Variants in AGRN observed in about 807,000 individuals in gnomAD.
The protein encoded by AGRN is agrin proteoglycan.
Under a neutral mutation model 211.0 loss-of-function variants are expected in AGRN, and 106 were observed. That is an observed-to-expected ratio of 0.50 (90% CI 0.43 to 0.59). The LOEUF (loss-of-function observed/expected upper bound fraction) is 0.59. Ranked by LOEUF, AGRN falls within the 20% of genes least tolerant of loss-of-function variation. The pLI is 0.00. For missense variants in AGRN, 3,040 were observed against 2,982.6 expected, an observed-to-expected ratio of 1.02 and a Z score of -0.45; for synonymous variants, 1,525 against 1,332.5, an observed-to-expected ratio of 1.14 and a Z score of -3.15.
In AGRN at chr1:1,046,909, T is replaced by A. The variant is rs1557711679; in HGVS notation, c.3340T>A (p.Ser1114Thr). The change falls in exon 19 of 36, where the codon TCT (serine) becomes ACT (threonine). Residue 1114 changes from serine to threonine, a missense_variant. By Grantham distance (58) the Ser-to-Thr change is moderately conservative. Coordinates refer to ENST00000379370, the MANE Select transcript of AGRN (RefSeq NM_198576.4). ...SCYNSALGCC[S>T]DGKTPSLDAE... is the part of the protein sequence containing the mutation. ...CTACAACTCCGCGTTGGGCTGCTGC[T>A]CTGATGGGAAGACGCCCTCGCTGGA... 1 of 1,582,666 alleles carries A rather than the reference T, an allele frequency of 6.3e-7. No individual in the cohort carries two copies. Among genetic ancestry groups the A allele is most frequent in the Non-Finnish European group, 8.6e-7 (1 of 1,165,404 alleles).
Position 1,050,513 on chromosome 1 carries a change from G to A in AGRN, c.5063G>A (p.Gly1688Glu), listed in dbSNP as rs1344179438. Residue 1688 changes from glycine (G) to glutamate (E), a missense_variant, in exon 29 of 36, where the codon GGG becomes GAG. Gly to Glu is a moderately conservative substitution (Grantham distance 98, BLOSUM62 -2). Around this residue, in one of 3 missense-constraint regions of AGRN, gnomAD observed 1,537 missense variants for 1,505.0 expected, o/e 1.02. Transcript: ENST00000379370. ...LYNGQKTDGK[G>E]DFVSLALRDR... ...AACGGGCAGAAGACGGACGGCAAGG[G>A]GGACTTCGTGTCGCTGGCACTGCGG... 5.6e-6 allele frequency: 9 copies of A among 1,612,798 alleles called. No individual in the cohort carries two copies. Among genetic ancestry groups the A allele is most frequent in the African/African-American group, 1.3e-5 (1 of 74,904 alleles).
chr1:1,053,640 G>A, intron 33 of AGRN, 113 bp from the exon 34 acceptor site: 2 of 1,490,594 alleles, frequency 1.3e-6, no homozygotes, highest in South Asian at 2.4e-5. Flanking sequence ...GCCACCCCTG[G>A]GTCCCGTCAC....
chr1:1,047,670 A>T lies in AGRN; in HGVS notation c.3614A>T (p.Asp1205Val). 1 of 1,613,024 alleles carries T rather than the reference A, an allele frequency of 6.2e-7. No individual in the cohort carries two copies. The highest frequency in any genetic ancestry group is 1.1e-5 in the South Asian group (1 of 91,086). The change falls in exon 21 of 36, where the codon GAT (aspartate) becomes GTT (valine). Residue 1205 changes from aspartate to valine, a missense_variant. Asp to Val is a radical substitution (Grantham distance 152, BLOSUM62 -3). Transcript: ENST00000379370. ...GPGKSVRAIV[D>V]VHFDPTTAFR... is the part of the protein sequence containing the mutation. ...GGCAAATCCGTCCGCGCCATTGTGGATGTGCACTTTGACCCCAGTGAGACC... is the reference window on the plus strand; with the variant it reads ...GGCAAATCCGTCCGCGCCATTGTGGTTGTGCACTTTGACCCCAGTGAGACC...
At position 1,048,983 on chromosome 1, in the gene AGRN, C is replaced by T; in HGVS notation, c.4222C>T (p.Leu1408=). 4.4e-6 allele frequency: 7 copies of T among 1,578,972 alleles called. No individual in the cohort carries two copies. The highest frequency in any genetic ancestry group is 6.0e-6 in the Non-Finnish European group (7 of 1,164,394). ...ATTCCGGGCGCTGGAGCCTCAGGGGCTGCTGCTGTACAATGGCAACGCCCG... is the reference window on the plus strand; with the variant it reads ...ATTCCGGGCGCTGGAGCCTCAGGGGTTGCTGCTGTACAATGGCAACGCCCG... ...LEFRALEPQG[L]LLYNGNARGK... is the part of the protein sequence containing the mutation. The change falls in exon 24 of 36, where the codon CTG becomes TTG. Residue 1408 remains leucine (L), a synonymous_variant. Coordinates refer to ENST00000379370, the MANE Select transcript of AGRN (RefSeq NM_198576.4). This position sits in a 1 kb window ranked among gnomAD's most constrained non-coding sequence, Gnocchi z 5.9.
In AGRN at chr1:1,040,684, C is replaced by T; in HGVS notation, c.531C>T (p.Cys177=). The T allele has an allele frequency of 6.5e-7, 1 of 1,547,400 alleles. No homozygotes were observed. The highest frequency in any genetic ancestry group is 8.7e-7 in the Non-Finnish European group (1 of 1,146,476). Residue 177 remains cysteine (C), a synonymous_variant, in exon 4 of 36, where the codon TGC becomes TGT. Coordinates refer to ENST00000379370, the MANE Select transcript of AGRN (RefSeq NM_198576.4). ...TPPDACRGML[C]GFGAVCEPNA... Reference sequence around the variant, plus strand: ...CCCCAGCGTGCCGGGGAATGCTGTGCGGCTTCGGCGCCGTGTGCGAGCCCA... The same window carrying T: ...CCCCAGCGTGCCGGGGAATGCTGTGTGGCTTCGGCGCCGTGTGCGAGCCCA...
chr1:1,053,594 C>T, intron 33 of AGRN, 159 bp from the exon 34 acceptor site: 6 of 1,501,718 alleles, frequency 4.0e-6, no homozygotes, highest in Non-Finnish European at 5.4e-6. Context: ...TGTCTCCATC[C>T]CTCTTCTCCC....
intron 3 of AGRN, among the ~76,000 whole-genome samples, chr1:1,036,904 G>A (rs530023855): frequency 4.3e-4 from 65 of 152,178 alleles, no homozygotes; most frequent in Non-Finnish European, 7.9e-4. Flanking sequence ...GGGCAGCACA[G>A]CACCATGGGT....
chr1:1,022,185 G>T lies in AGRN; in HGVS notation c.202-16G>T, dbSNP rs776504646. On this transcript the variant is annotated splice_polypyrimidine_tract_variant and intron_variant, in intron 1 of 35. Coordinates refer to ENST00000379370, the MANE Select transcript of AGRN (RefSeq NM_198576.4). ...CAGGAGAGGACTAATGACACCTACC[G>T]CCATGTCCACCCCAGGTTCGGGTCT... The T allele has an allele frequency of 1.7e-5, 28 of 1,612,850 alleles. No individual in the cohort carries two copies. Among genetic ancestry groups the T allele is most frequent in the Non-Finnish European group, 2.2e-5 (26 of 1,179,966 alleles).
chr1:1,052,877 G>C (rs1206631283), intron 33 of AGRN: 1 of 158,522 alleles, frequency 6.3e-6, no homozygotes, highest in Non-Finnish European at 1.4e-5. Context: ...ATATGTGGGG[G>C]AGACAGGTGT....
In AGRN at chr1:1,037,871, C is replaced by A. The variant is rs535527824; in HGVS notation, c.511+2547C>A. Among the ~76,000 whole-genome samples the A allele has an allele frequency of 1.4e-4, 21 of 152,184 alleles. 1 individual carries two copies. In the East Asian group the frequency reaches 2.5e-3, roughly 18 times the overall value. ...GGCTGCTGCAATGCGCTGTGCCTGG[C>A]GGGTACGTGCGTGTGTGCCATCACC... On this transcript the variant is annotated intron_variant, in intron 3 of 35. Coordinates refer to ENST00000379370, the MANE Select transcript of AGRN (RefSeq NM_198576.4).
intron 2 of AGRN, among the ~76,000 whole-genome samples, chr1:1,029,345 A>C (rs1485275886): frequency 7.1e-6 from 1 of 141,358 alleles, no homozygotes; most frequent in Non-Finnish European, 1.5e-5. Context: ...TGTTGCACAA[A>C]GATATGGGGG....
At chr1:1,040,525 T>C (rs1234446945) in intron 3 of AGRN, 140 bp from the exon 4 acceptor site, 1 of 1,009,168 alleles carries the variant, frequency 9.9e-7, no homozygotes, top group Non-Finnish European at 1.5e-6. Context: ...CACGCACGCG[T>C]GTCCGTGTCC....
rs544870363 is a variant in AGRN at position 1,050,854 on chromosome 1, G to T, written c.5253+17G>T. On this transcript the variant is annotated intron_variant, in intron 30 of 35. Coordinates refer to ENST00000379370, the MANE Select transcript of AGRN (RefSeq NM_198576.4). The stretch of plus-strand genomic sequence containing the variant: ...GAGTCCCCGGTGAGTGCTCTGGGCC[G>T]CGAGGGGACTCCCGCTGCTGCCTGC... 37 of 1,541,060 alleles carry T rather than the reference G, an allele frequency of 2.4e-5. No individual in the cohort carries two copies. Among genetic ancestry groups the T allele is most frequent in the Non-Finnish European group, 2.8e-5 (32 of 1,144,732 alleles).
intron 7 of AGRN, among the ~76,000 whole-genome samples, 168 bp from the exon 8 acceptor site, chr1:1,043,069 CGT>C (rs1175776774): frequency 1.3e-5 from 2 of 152,130 alleles, no homozygotes; most frequent in Non-Finnish European, 2.9e-5. Context: ...GCCTCTGCCG[CGT>C]GTCTGTCCCT....
chr1:1,054,736 G>A (rs552765547), intron 35 of AGRN, 88 bp from the exon 36 acceptor site: 73 of 1,516,078 alleles, frequency 4.8e-5, no homozygotes, highest in Non-Finnish European at 6.3e-5. Context: ...GTGCCCAGGT[G>A]TGGGCCCCCT....
Position 1,047,775 on chromosome 1 carries a change from G to T in AGRN, c.3632-1G>T. 1 of 1,608,610 alleles carries T rather than the reference G, an allele frequency of 6.2e-7. No homozygotes were observed. Among genetic ancestry groups the T allele is most frequent in the Non-Finnish European group, 8.5e-7 (1 of 1,178,106 alleles). On this transcript the variant is annotated splice_acceptor_variant, in intron 21 of 35. Coordinates refer to ENST00000379370, the MANE Select transcript of AGRN (RefSeq NM_198576.4). LOFTEE classifies it high-confidence loss of function. Reference sequence around the variant, plus strand: ...CATGCTCAGAGCTCCCTCCTCCCCAGCCACAGCCTTCAGGGCACCCGACGT... The same window carrying T: ...CATGCTCAGAGCTCCCTCCTCCCCATCCACAGCCTTCAGGGCACCCGACGT...
In AGRN at chr1:1,041,222, T is replaced by C; in HGVS notation, c.777T>C (p.Cys259=). 1 of 1,480,528 alleles carries C rather than the reference T, an allele frequency of 6.8e-7. No homozygotes were observed. The highest frequency in any genetic ancestry group is 1.3e-5 in the South Asian group (1 of 79,104). 91.7% of individuals were successfully genotyped at this position (1,480,528 alleles called of 1,614,324 possible). A position where few individuals can be genotyped will look rare whatever the true frequency, so the allele number is the denominator to read the frequency against. The change falls in exon 5 of 36, where the codon TGT becomes TGC. Residue 259 remains cysteine, a synonymous_variant. Coordinates refer to ENST00000379370, the MANE Select transcript of AGRN (RefSeq NM_198576.4). ...SNVTCSFGST[C]ARSADGLTAS... ...TGACCTGCAGCTTCGGCAGCACCTG[T>C]GCGCGCTCGGCCGACGGGCTGACGG... is the stretch of plus-strand genomic sequence containing the variant.
Position 1,041,347 on chromosome 1 carries a change from G to A in AGRN, c.902G>A (p.Arg301His). 1 of 1,529,220 alleles carries A rather than the reference G, an allele frequency of 6.5e-7. No homozygotes were observed. Among genetic ancestry groups the A allele is most frequent in the Non-Finnish European group, 8.7e-7 (1 of 1,144,812 alleles). The allele number at this position is 1,529,220 out of a possible 1,614,324, so 94.7% of individuals were successfully genotyped here. A position where few individuals can be genotyped will look rare whatever the true frequency, so the allele number is the denominator to read the frequency against. ...CCCGGCGAGTGCCAGCTCCTGCGCC[G>A]CGCCTGCGCCCGCCAGGAGAATGTC... ...DYPGECQLLR[R>H]ACARQENVFK... Residue 301 changes from arginine (R) to histidine (H), a missense_variant, in exon 5 of 36, where the codon CGC (arginine) becomes CAC (histidine). Around this residue, in one of 3 missense-constraint regions of AGRN, gnomAD observed 1,498 missense variants for 1,457.8 expected, o/e 1.03. Transcript: ENST00000379370.
At chr1:1,033,881 C>T (rs1261296946) in intron 2 of AGRN, among the ~76,000 whole-genome samples, 1 of 150,898 alleles carries the variant, frequency 6.6e-6, no homozygotes, top group Non-Finnish European at 1.5e-5. Context: ...GTGCGGCGCT[C>T]TCCCGTCCGC....
Sources: allele counts gnomAD v4.1 joint callset (sites outside exome capture counted in the v4.1 genomes callset), GRCh38; gene constraint gnomAD v4.1.1; regional missense constraint gnomAD v4.1.1; non-coding constraint Gnocchi (gnomAD v3.1); transcripts MANE v1.5; gene names NCBI Gene and HGNC (gene_info 2026-07-23, HGNC 2026-07-21).